The following ZFYVE1 variants were observed in gnomAD, a reference collection of about 807,000 sequenced individuals.
The protein encoded by ZFYVE1 is zinc finger FYVE domain-containing protein 1.
In ZFYVE1, 30 loss-of-function variants were observed where a neutral mutation model predicts 74.4. The observed-to-expected ratio is 0.40, with a 90% CI of 0.30 to 0.55. ZFYVE1 has a LOEUF of 0.55. ZFYVE1 is among the 20% of genes least tolerant of loss of function. The pLI is 0.42. For synonymous variants in ZFYVE1, 335 were observed against 385.1 expected, an observed-to-expected ratio of 0.87 and a Z score of 1.52; for missense variants, 703 against 1,011.6, an observed-to-expected ratio of 0.69 and a Z score of 4.14.
At chr14:72,981,001 A>G (rs61986494) in intron 5 of ZFYVE1, among the ~76,000 whole-genome samples, 19,642 of 152,200 alleles carry the variant, frequency 0.13, 1,573 homozygotes, top group East Asian at 0.2. Flanking sequence ...TGCTCTAACC[A>G]TAACAAAGTG....
At chr14:72,978,303 T>G in intron 6 of ZFYVE1, 69 bp from the exon 7 acceptor site, 61 of 1,508,290 alleles carry the variant, frequency 4.0e-5, no homozygotes, top group Non-Finnish European at 5.0e-5. Flanking sequence ...ACACGGGGTT[T>G]TACCAGCCCA....
intron 11 of ZFYVE1, among the ~76,000 whole-genome samples, chr14:72,973,828 T>C (rs1234415818): frequency 1.3e-5 from 2 of 152,232 alleles, no homozygotes; most frequent in East Asian, 3.8e-4. Flanking sequence ...CAAAGATGGC[T>C]GTTTTAAGCC....
chr14:72,986,491 AAAT>A (rs1893483901), intron 4 of ZFYVE1, among the ~76,000 whole-genome samples: 1 of 151,824 alleles, frequency 6.6e-6, no homozygotes, highest in African/African-American at 2.4e-5. Flanking sequence ...AAAAAAAAAA[AAAT>A]CCAACGTTAG....
Position 72,979,816 on chromosome 14 carries a change from C to T in ZFYVE1, c.1311-847G>A, listed in dbSNP as rs115188087. Among the ~76,000 whole-genome samples, 403 of 152,188 alleles carry T rather than the reference C, an allele frequency of 2.6e-3. 2 individuals carry two copies. Among genetic ancestry groups the T allele is most frequent in the African/African-American group, 9.2e-3 (383 of 41,512 alleles). ...AAACAAGATGAAATGGAACGTTTAC[C>T]CAGAACAGGCTGCCAAGATGCAAAA... On this transcript the variant is annotated intron_variant, in intron 5 of 11. Transcript: ENST00000556143.
At chr14:72,979,164 A>C (rs1488984048) in intron 5 of ZFYVE1, 195 bp from the exon 6 acceptor site, 3 of 555,532 alleles carry the variant, frequency 5.4e-6, no homozygotes, top group Non-Finnish European at 9.9e-6. Context: ...ACAGCACTAC[A>C]GAGGCACAGC....
At chr14:73,000,783 A>C (rs920287178) in intron 2 of ZFYVE1, among the ~76,000 whole-genome samples, 6 of 152,226 alleles carry the variant, frequency 3.9e-5, no homozygotes, top group East Asian at 1.9e-4. Context: ...TAAGTACATC[A>C]ATGTTCACAG....
intron 11 of ZFYVE1, among the ~76,000 whole-genome samples, chr14:72,973,873 G>A (rs1594828314): frequency 6.6e-6 from 1 of 152,216 alleles, no homozygotes; most frequent in African/African-American, 2.4e-5. Flanking sequence ...CACAGCACTA[G>A]ATGCTGTAAG....
At chr14:73,020,089 T>C (rs1460927305) in intron 2 of ZFYVE1, among the ~76,000 whole-genome samples, 2 of 151,960 alleles carry the variant, frequency 1.3e-5, no homozygotes, top group Non-Finnish European at 2.9e-5. Context: ...ACTCCATCTC[T>C]ACGAAAAATA....
chr14:72,995,541 A>G (rs537929680), intron 3 of ZFYVE1, among the ~76,000 whole-genome samples: 269 of 152,310 alleles, frequency 1.8e-3, no homozygotes, highest in African/African-American at 6.4e-3. Flanking sequence ...CTAAAATACA[A>G]TAACTTTTCA....
intron 2 of ZFYVE1, among the ~76,000 whole-genome samples, chr14:73,006,708 CCT>C (rs1893987824): frequency 7.9e-6 from 1 of 126,758 alleles, no homozygotes; most frequent in Admixed American, 8.2e-5. Flanking sequence ...CACCCCAGTT[CCT>C]TTTTTTTTTT....
At chr14:73,005,672 A>C (rs1893963332) in intron 2 of ZFYVE1, among the ~76,000 whole-genome samples, 1 of 152,174 alleles carries the variant, frequency 6.6e-6, no homozygotes, top group African/African-American at 2.4e-5. Context: ...TCAGCGGACT[A>C]AAAGAGATAA....
chr14:73,001,720 C>T (rs1354731291), intron 2 of ZFYVE1, among the ~76,000 whole-genome samples: 3 of 102,142 alleles, frequency 2.9e-5, no homozygotes, highest in African/African-American at 1.4e-4. Context: ...TGGCTCACAC[C>T]TGTAATCCCA....
Position 72,991,452 on chromosome 14 carries a change from G to GTGC in ZFYVE1, c.1203+1688_1203+1690dup, listed in dbSNP as rs1374869350. Among the ~76,000 whole-genome samples the GTGC allele has an allele frequency of 1.1e-4, 17 of 152,260 alleles. No homozygotes were observed. The East Asian group carries it at 3.3e-3, about 29-fold the overall frequency. On this transcript the variant is annotated intron_variant, in intron 4 of 11. Transcript: ENST00000556143. ...GATCCGCCCGCCTCGGCTTCCCAAA[G>GTGC]TGCTGGGATTACAGGCGTGAGCCAC...
At position 72,993,225 on chromosome 14, in the gene ZFYVE1, A is replaced by C; in HGVS notation, c.1121T>G (p.Leu374Arg). ...TAGTAGCTGCTCCAAAGCACGCCGA[A>C]GCCCAGAAAAGTCCGTGGGAGGGTT... ...TYNPPTDFSG[L>R]RRALEQLLEN... is the part of the protein sequence containing the mutation. The change falls in exon 4 of 12, where the codon CTT (leucine) becomes CGT (arginine). Residue 374 changes from leucine to arginine, a missense_variant. Leu to Arg is a moderately radical substitution (Grantham distance 102). This residue lies in a region of ZFYVE1 where 492 missense variants were observed against 790.0 expected (regional missense o/e 0.62). Coordinates refer to ENST00000556143, the MANE Select transcript of ZFYVE1 (RefSeq NM_021260.4). The C allele has an allele frequency of 6.2e-7, 1 of 1,613,900 alleles. No individual in the cohort carries two copies. The highest frequency in any genetic ancestry group is 1.1e-5 in the South Asian group (1 of 91,066).
At chr14:73,026,856 C>G (rs1409816359) in intron 1 of ZFYVE1, 70 bp downstream of exon 1, 7 of 358,364 alleles carry the variant, frequency 2.0e-5, no homozygotes, top group Non-Finnish European at 3.5e-5. Context: ...AGCCCCAGGA[C>G]GATCACTCGC....
At chr14:72,992,838 A>C (rs1337871940) in intron 4 of ZFYVE1, among the ~76,000 whole-genome samples, 2 of 152,194 alleles carry the variant, frequency 1.3e-5, no homozygotes, top group Non-Finnish European at 2.9e-5. Flanking sequence ...GTCCAGATTA[A>C]GTGAGACTCA....
chr14:72,974,355 C>A (rs1420925467), intron 10 of ZFYVE1, among the ~76,000 whole-genome samples, 162 bp from the exon 11 acceptor site: 2 of 152,222 alleles, frequency 1.3e-5, no homozygotes, highest in African/African-American at 4.8e-5. Flanking sequence ...TCAGCCCAGA[C>A]TCTGAAATTA....
At position 73,019,029 on chromosome 14, in the gene ZFYVE1, G is replaced by T. The variant is rs887382231; in HGVS notation, c.483+4997C>A. On this transcript the variant is annotated intron_variant, in intron 2 of 11. Coordinates refer to ENST00000556143, the MANE Select transcript of ZFYVE1 (RefSeq NM_021260.4). ...TGTCTTTGGCTAGCAGGTCGAATGT[G>T]TCCATTTAGGAGCCACAGGTGACTT... is the stretch of plus-strand genomic sequence containing the variant. Among the ~76,000 whole-genome samples, 5 of 151,980 alleles carry T rather than the reference G, an allele frequency of 3.3e-5. No individual in the cohort carries two copies. In the East Asian group the frequency reaches 7.7e-4, roughly 23 times the overall value.
chr14:72,982,551 A>G (rs1257316342), intron 4 of ZFYVE1, among the ~76,000 whole-genome samples: 1 of 152,236 alleles, frequency 6.6e-6, no homozygotes, highest in African/African-American at 2.4e-5. Flanking sequence ...GTTGAAATGT[A>G]GCTTCCATTC....
Sources: gnomAD v4.1 joint callset for allele counts (sites outside exome capture counted in the v4.1 genomes callset) on GRCh38, gnomAD v4.1.1 for gene constraint, gnomAD v4.1.1 regional missense constraint, MANE v1.5 for transcripts, NCBI Gene and HGNC (gene_info 2026-07-23, HGNC 2026-07-21) for gene names.